CRY1: variants seen among roughly 807,000 people sequenced by gnomAD.
CRY1 encodes cryptochrome-1.
Under a neutral mutation model 76.0 loss-of-function variants are expected in CRY1, and 45 were observed. That is an observed-to-expected ratio of 0.59 (90% CI 0.47 to 0.76). CRY1 has a LOEUF of 0.76. Ranked by LOEUF, CRY1 falls within the 30% of genes least tolerant of loss-of-function variation. CRY1 has a pLI of 0.00. For missense variants in CRY1, 587 were observed against 716.4 expected, an observed-to-expected ratio of 0.82 and a Z score of 2.06; for synonymous variants, 248 against 244.0, an observed-to-expected ratio of 1.02 and a Z score of -0.15.
At chr12:106,997,161 T>C (rs922143112) in intron 10 of CRY1, 133 bp downstream of exon 10, 1 of 770,380 alleles carries the variant, frequency 1.3e-6, no homozygotes, top group Admixed American at 2.1e-5. Flanking sequence ...CATGTATGCA[T>C]GCATACAAAG....
At chr12:107,021,955 A>C in intron 2 of CRY1, 129 bp downstream of exon 2, 1 of 676,698 alleles carries the variant, frequency 1.5e-6, no homozygotes, top group Non-Finnish European at 2.5e-6. Context: ...TAAAGAAAAA[A>C]AACCCACAAA....
At chr12:107,045,318 C>A (rs1184195581) in intron 1 of CRY1, among the ~76,000 whole-genome samples, 5 of 152,042 alleles carry the variant, frequency 3.3e-5, no homozygotes, top group Admixed American at 3.3e-4. Flanking sequence ...CTTTCCCAGA[C>A]AAGCAAAACT....
intron 1 of CRY1, among the ~76,000 whole-genome samples, chr12:107,085,659 A>G (rs1953390777): frequency 6.6e-6 from 1 of 152,104 alleles, no homozygotes. Flanking sequence ...GGGGCCTGCC[A>G]GGGGTTGAGG....
chr12:106,997,710 G>C lies in CRY1; in HGVS notation c.1290-20C>G. On this transcript the variant is annotated intron_variant, in intron 8 of 12. Coordinates refer to ENST00000008527, the MANE Select transcript of CRY1 (RefSeq NM_004075.5). ...TAACGCCTTTGGGAGAAAAAAGAAA[G>C]ATTACTAATAAAATGCACTCTAAGC... 6.2e-7 allele frequency: 1 copy of C among 1,612,324 alleles called. No homozygotes were observed. The highest frequency in any genetic ancestry group is 2.2e-5 in the East Asian group (1 of 44,852).
chr12:107,078,617 C>T (rs1359083075), intron 1 of CRY1, among the ~76,000 whole-genome samples: 1 of 152,110 alleles, frequency 6.6e-6, no homozygotes, highest in East Asian at 1.9e-4. Context: ...GGAATTATTC[C>T]CATATGCACA....
chr12:107,078,087 C>A (rs1364570402), intron 1 of CRY1, among the ~76,000 whole-genome samples: 2 of 152,144 alleles, frequency 1.3e-5, no homozygotes, highest in Admixed American at 6.5e-5. Flanking sequence ...TTTACTATTT[C>A]TCAACTTACA....
At chr12:107,056,804 G>T (rs955398857) in intron 1 of CRY1, among the ~76,000 whole-genome samples, 17 of 152,028 alleles carry the variant, frequency 1.1e-4, no homozygotes, top group Non-Finnish European at 1.2e-4. Flanking sequence ...ATTCAAAGGA[G>T]AAACAGTTTC....
At chr12:107,024,471 G>T (rs1952586965) in intron 1 of CRY1, among the ~76,000 whole-genome samples, 1 of 150,894 alleles carries the variant, frequency 6.6e-6, no homozygotes, top group Non-Finnish European at 1.5e-5. Flanking sequence ...ATGGTTCACT[G>T]CAGCCTTGAC....
At chr12:107,033,854 C>T (rs1420493295) in intron 1 of CRY1, among the ~76,000 whole-genome samples, 1 of 149,106 alleles carries the variant, frequency 6.7e-6, no homozygotes, top group Non-Finnish European at 1.5e-5. Flanking sequence ...CTTCTCTATG[C>T]AATCTAGTAG....
intron 1 of CRY1, among the ~76,000 whole-genome samples, chr12:107,049,376 T>C (rs1952889490): frequency 6.6e-6 from 1 of 152,048 alleles, no homozygotes; most frequent in African/African-American, 2.4e-5. Context: ...TCTTACTATC[T>C]TTTTTTTGTT....
At chr12:107,051,958 A>G (rs1464089422) in intron 1 of CRY1, among the ~76,000 whole-genome samples, 1 of 131,538 alleles carries the variant, frequency 7.6e-6, no homozygotes, top group Non-Finnish European at 1.7e-5. Context: ...GCAAATTAGA[A>G]CTATATATAA....
chr12:106,997,200 T>A, intron 10 of CRY1, 94 bp downstream of exon 10: 1 of 1,164,906 alleles, frequency 8.6e-7, no homozygotes, highest in Non-Finnish European at 1.3e-6. Context: ...CAAAGACAGA[T>A]TTTTATAAAA....
chr12:107,023,475 C>G (rs1433111805), intron 1 of CRY1, among the ~76,000 whole-genome samples: 2 of 152,176 alleles, frequency 1.3e-5, no homozygotes, highest in Non-Finnish European at 2.9e-5. Flanking sequence ...ACAGATTGTT[C>G]TAAAAAGCTG....
chr12:107,001,998 T>C lies in CRY1; in HGVS notation c.411-50A>G. On this transcript the variant is annotated intron_variant, in intron 3 of 12. Transcript: ENST00000008527. ...AGTTAGTATTAAAAAAGACAATACA[T>C]TTTGGCTAATAAGCTCCCAAAAGGC... 4.7e-6 allele frequency: 7 copies of C among 1,474,262 alleles called. No individual in the cohort carries two copies. In the South Asian group the frequency reaches 9.5e-5, roughly 20 times the overall value. The allele number at this position is 1,474,262 out of a possible 1,614,324, so 91.3% of individuals were successfully genotyped here. A position where few individuals can be genotyped will look rare whatever the true frequency, so the allele number is the denominator to read the frequency against.
intron 1 of CRY1, chr12:107,042,959 A>G (rs527626728): frequency 6.6e-6 from 1 of 152,422 alleles, no homozygotes; most frequent in East Asian, 1.9e-4. Flanking sequence ...CCTGGAGTCC[A>G]CGTAACTGTG....
At chr12:107,034,914 C>CA (rs1304922626) in intron 1 of CRY1, among the ~76,000 whole-genome samples, 1 of 152,150 alleles carries the variant, frequency 6.6e-6, no homozygotes, top group Non-Finnish European at 1.5e-5. Context: ...TCTCTGATCT[C>CA]AAAAATCACA....
chr12:107,064,115 C>T (rs7955003), intron 1 of CRY1, among the ~76,000 whole-genome samples: 105,619 of 152,032 alleles, frequency 0.69, 37,508 homozygotes, highest in East Asian at 0.97. Flanking sequence ...TATTCTATTA[C>T]GACCGGGATG....
At chr12:107,019,417 T>C (rs1014337214) in intron 2 of CRY1, among the ~76,000 whole-genome samples, 1 of 152,194 alleles carries the variant, frequency 6.6e-6, no homozygotes, top group African/African-American at 2.4e-5. Context: ...AAGTACTATA[T>C]GTATATGTAT....
intron 1 of CRY1, among the ~76,000 whole-genome samples, chr12:107,028,731 A>T (rs989224958): frequency 2.6e-5 from 4 of 152,360 alleles, no homozygotes; most frequent in South Asian, 4.1e-4. Flanking sequence ...ATCATTTAAA[A>T]TTTAACAGCT....
Sources: allele counts gnomAD v4.1 joint callset (sites outside exome capture counted in the v4.1 genomes callset), GRCh38; gene constraint gnomAD v4.1.1; transcripts MANE v1.5; gene names NCBI Gene and HGNC (gene_info 2026-07-23, HGNC 2026-07-21).